RNF19A: variants seen among roughly 807,000 people sequenced by gnomAD.
RNF19A encodes the protein ring finger protein 19A, RBR E3 ubiquitin protein ligase.
RNF19A carries 32 observed loss-of-function variants against 75.7 expected under a neutral mutation model. That is an observed-to-expected ratio of 0.42 (90% CI 0.32 to 0.57). The LOEUF (loss-of-function observed/expected upper bound fraction) is 0.57, where lower values mean the gene tolerates loss of function less well. RNF19A is among the 20% of genes least tolerant of loss of function. RNF19A has a pLI of 0.10. For synonymous variants in RNF19A, 335 were observed against 345.2 expected (o/e 0.97, Z 0.33); for missense variants, 782 against 1,036.3 (o/e 0.75, Z 3.37).
chr8:100,264,874 G>C lies in RNF19A; in HGVS notation c.1192-89C>G. On this transcript the variant is annotated intron_variant, in intron 5 of 9. Coordinates refer to ENST00000341084, the MANE Select transcript of RNF19A (RefSeq NM_183419.4). This position sits in a 1 kb window ranked among gnomAD's most constrained non-coding sequence, Gnocchi z 4.7. Reference sequence around the variant, plus strand: ...GAAAAAGATCTATACTTGCTAAAGTGATTTTTCATAGAAGTTCGTAGCTGA... The same window carrying C: ...GAAAAAGATCTATACTTGCTAAAGTCATTTTTCATAGAAGTTCGTAGCTGA... 1.0e-6 allele frequency: 1 copy of C among 994,130 alleles called. No individual in the cohort carries two copies. The highest frequency in any genetic ancestry group is 1.6e-6 in the Non-Finnish European group (1 of 643,852). The allele number at this position is 994,130 out of a possible 1,614,324, so 61.6% of individuals were successfully genotyped here.
chr8:100,268,396 T>C (rs1041704192), intron 5 of RNF19A, among the ~76,000 whole-genome samples: 7 of 152,138 alleles, frequency 4.6e-5, no homozygotes, highest in Non-Finnish European at 7.4e-5. Flanking sequence ...AAGAACTGGC[T>C]AATTATTCTT....
rs550509536 is a variant in RNF19A at position 100,323,241 on chromosome 8, A to C, written c.-242-9869T>G. Among the ~76,000 whole-genome samples the C allele has an allele frequency of 6.1e-4, 93 of 152,374 alleles. No individual in the cohort carries two copies. Among genetic ancestry groups the C allele is most frequent in the African/African-American group, 2.2e-3 (90 of 41,590 alleles). The stretch of plus-strand genomic sequence containing the variant: ...GACTCAATGGTTTTTATTTGAAGGT[A>C]GTATTTCATAGAAAGTTTTTAAGGA... On this transcript the variant is annotated intron_variant, in intron 1 of 3. Transcript: ENST00000519527. This position sits in a 1 kb window ranked among gnomAD's most constrained non-coding sequence, Gnocchi z 4.6.
chr8:100,304,621 G>A lies in RNF19A; in HGVS notation c.-94+5246C>T, dbSNP rs568869324. The stretch of plus-strand genomic sequence containing the variant: ...TATTCCATACAAAAACTGAAAAACA[G>A]ATTTGTTCAGGCAATATTAAATAGA... On this transcript the variant is annotated intron_variant, in intron 1 of 9. Coordinates refer to ENST00000341084, the MANE Select transcript of RNF19A (RefSeq NM_183419.4). Among the ~76,000 whole-genome samples the A allele has an allele frequency of 2.0e-5, 3 of 152,256 alleles. No individual in the cohort carries two copies. In the South Asian group the frequency reaches 6.2e-4, roughly 32 times the overall value.
Position 100,325,664 on chromosome 8 carries a change from C to T in RNF19A, c.-243+10444G>A, listed in dbSNP as rs1348738463. Among the ~76,000 whole-genome samples, 2 of 152,148 alleles carry T rather than the reference C, an allele frequency of 1.3e-5. No homozygotes were observed. The highest frequency in any genetic ancestry group is 4.8e-5 in the African/African-American group (2 of 41,432). Reference sequence around the variant, plus strand: ...CCACAGTAGGGAAGATTGAACACAACTTAACAGACCGATTATCTAGTCATT... The same window carrying T: ...CCACAGTAGGGAAGATTGAACACAATTTAACAGACCGATTATCTAGTCATT... On this transcript the variant is annotated intron_variant, in intron 1 of 3. Coordinates refer to the RNF19A transcript ENST00000519527. The surrounding 1 kb of genome is among the most constrained non-coding windows in gnomAD (Gnocchi z 4.3).
chr8:100,274,364 T>C (rs1206582646), intron 3 of RNF19A, among the ~76,000 whole-genome samples: 5 of 152,182 alleles, frequency 3.3e-5, no homozygotes, highest in Non-Finnish European at 7.3e-5. Flanking sequence ...TACCTACAAA[T>C]TAACACTAAT....
chr8:100,265,465 A>G (rs1409513071), intron 5 of RNF19A, among the ~76,000 whole-genome samples: 1 of 149,880 alleles, frequency 6.7e-6, no homozygotes, highest in Non-Finnish European at 1.5e-5. Context: ...GTAGAATTTG[A>G]TATCATCATA....
chr8:100,275,047 G>C lies in RNF19A; in HGVS notation c.789C>G (p.Thr263=), dbSNP rs768155750. 1.2e-6 allele frequency: 2 copies of C among 1,614,132 alleles called. No individual in the cohort carries two copies. The highest frequency in any genetic ancestry group is 1.1e-5 in the South Asian group (1 of 91,078). ...HCKQIWHPNQ[T]CDAARQERAQ... is the part of the protein sequence containing the mutation. ...CTCTCTCTTGTCGAGCAGCATCACA[G>C]GTCTGGTTGGGGTGCCAAATCTGTT... The change falls in exon 3 of 10, where the codon ACC becomes ACG. Residue 263 remains threonine (T), a synonymous_variant. Coordinates refer to ENST00000341084, the MANE Select transcript of RNF19A (RefSeq NM_183419.4). This position sits in a 1 kb window ranked among gnomAD's most constrained non-coding sequence, Gnocchi z 4.3.
chr8:100,299,085 C>G (rs1019128543), intron 1 of RNF19A, among the ~76,000 whole-genome samples: 2 of 152,208 alleles, frequency 1.3e-5, no homozygotes, highest in Non-Finnish European at 2.9e-5. Context: ...ATTTTGCTTA[C>G]TGTGTCCCTT....
chr8:100,261,257 G>C lies in RNF19A; in HGVS notation c.1682+285C>G, dbSNP rs973377033. On this transcript the variant is annotated intron_variant, in intron 8 of 9. Coordinates refer to ENST00000341084, the MANE Select transcript of RNF19A (RefSeq NM_183419.4). The surrounding 1 kb of genome is among the most constrained non-coding windows in gnomAD (Gnocchi z 4.4). Reference sequence around the variant, plus strand: ...CTACAGGTGCATGCCACCAAATCCGGCTAATTTTTTATATTTTTTTAGTAG... The same window carrying C: ...CTACAGGTGCATGCCACCAAATCCGCCTAATTTTTTATATTTTTTTAGTAG... Among the ~76,000 whole-genome samples the C allele has an allele frequency of 1.3e-5, 2 of 151,824 alleles. No individual in the cohort carries two copies. The highest frequency in any genetic ancestry group is 2.4e-5 in the African/African-American group (1 of 41,304).
At position 100,327,245 on chromosome 8, in the gene RNF19A, CT is replaced by C. The variant is rs71303441; in HGVS notation, c.-243+8862del. 1.2e-3 allele frequency among the ~76,000 whole-genome samples: 93 copies of C among 75,854 alleles called. 1 individual carries two copies. Among genetic ancestry groups the C allele is most frequent in the South Asian group, 3.5e-3 (6 of 1,724 alleles). 49.8% of individuals were successfully genotyped at this position (75,854 alleles called of 152,430 possible). ...TTCTTATAAAATTCAGCAATTACTT[CT>C]TTTTTTTTTTTTTTTTTTTTTTTGA... On this transcript the variant is annotated intron_variant, in intron 1 of 3. Transcript: ENST00000519527.
chr8:100,319,421 A>G lies in RNF19A; in HGVS notation c.-242-6049T>C, dbSNP rs78524122. On this transcript the variant is annotated intron_variant, in intron 1 of 3. Coordinates refer to the RNF19A transcript ENST00000519527. ...TGTATTATTATTTAAAACAAGATAA[A>G]TGAAACATAGAAATGGAGTTGAGGC... 5.2e-3 allele frequency among the ~76,000 whole-genome samples: 791 copies of G among 152,248 alleles called. 10 individuals carry two copies. Among genetic ancestry groups the G allele is most frequent in the African/African-American group, 0.019 (774 of 41,542 alleles).
intron 1 of RNF19A, chr8:100,300,801 T>A (rs1220837464): frequency 6.6e-6 from 1 of 152,164 alleles, no homozygotes; most frequent in African/African-American, 2.4e-5. Flanking sequence ...AAAGACTAAT[T>A]TGAAAAAGCA....
At position 100,317,168 on chromosome 8, in the gene RNF19A, C is replaced by T. The variant is rs1302859052; in HGVS notation, c.-242-3796G>A. 6.6e-6 allele frequency among the ~76,000 whole-genome samples: 1 copy of T among 152,264 alleles called. No individual in the cohort carries two copies. The highest frequency in any genetic ancestry group is 1.5e-5 in the Non-Finnish European group (1 of 68,048). ...CCCGGGTTCCCGCTCGCGCCTCTCCCTCCGCACCTCCCTGCAAGCTGAGGG... is the reference window on the plus strand; with the variant it reads ...CCCGGGTTCCCGCTCGCGCCTCTCCTTCCGCACCTCCCTGCAAGCTGAGGG... On this transcript the variant is annotated intron_variant, in intron 1 of 3. Coordinates refer to the RNF19A transcript ENST00000519527. The surrounding 1 kb of genome is among the most constrained non-coding windows in gnomAD (Gnocchi z 4.3).
chr8:100,291,708 C>T (rs1788204), intron 1 of RNF19A, among the ~76,000 whole-genome samples: 49,179 of 152,054 alleles, frequency 0.32, 8,624 homozygotes, highest in East Asian at 0.41. Context: ...GGTCAAATAA[C>T]AGTTTTTGCT....
At chr8:100,308,343 T>C (rs1822142388) in intron 1 of RNF19A, among the ~76,000 whole-genome samples, 1 of 152,228 alleles carries the variant, frequency 6.6e-6, no homozygotes, top group African/African-American at 2.4e-5. Context: ...TTTTTTAGCA[T>C]AATTTGGTTT....
At chr8:100,309,041 A>C (rs768163849) in intron 1 of RNF19A, among the ~76,000 whole-genome samples, 53 of 152,172 alleles carry the variant, frequency 3.5e-4, no homozygotes, top group Non-Finnish European at 6.3e-4. Context: ...ATGAACCCTA[A>C]ACTTCTTTTT....
chr8:100,307,822 T>C (rs1822122227), intron 1 of RNF19A, among the ~76,000 whole-genome samples: 1 of 152,190 alleles, frequency 6.6e-6, no homozygotes, highest in African/African-American at 2.4e-5. Flanking sequence ...GTATTTTATT[T>C]ATTCATCCAT....
chr8:100,286,148 T>C (rs961122470), intron 2 of RNF19A, among the ~76,000 whole-genome samples: 3 of 152,200 alleles, frequency 2.0e-5, no homozygotes, highest in Admixed American at 2.0e-4. Flanking sequence ...GCTGTTTTTC[T>C]GTCAGAATAC....
Position 100,324,428 on chromosome 8 carries a change from G to A in RNF19A, c.-242-11056C>T, listed in dbSNP as rs1227010368. Among the ~76,000 whole-genome samples, 1 of 152,164 alleles carries A rather than the reference G, an allele frequency of 6.6e-6. No homozygotes were observed. On this transcript the variant is annotated intron_variant, in intron 1 of 3. Transcript: ENST00000519527. This position sits in a 1 kb window ranked among gnomAD's most constrained non-coding sequence, Gnocchi z 4.2. ...TATTTACTGATTTATAGACCCAACA[G>A]GAAAACAAGTGTGGAATTCTTGTTT...
Sources: allele counts gnomAD v4.1 joint callset (sites outside exome capture counted in the v4.1 genomes callset), GRCh38; gene constraint gnomAD v4.1.1; non-coding constraint Gnocchi (gnomAD v3.1); transcripts MANE v1.5; gene names NCBI Gene and HGNC (gene_info 2026-07-23, HGNC 2026-07-21).